The following CDH4 variants were observed in gnomAD, a reference collection of about 807,000 sequenced individuals.
CDH4 encodes cadherin 4.
A neutral mutation model predicts 86.0 loss-of-function variants in CDH4; 33 were observed. That is an observed-to-expected ratio of 0.38 (90% CI 0.29 to 0.51). The LOEUF (loss-of-function observed/expected upper bound fraction) is 0.51, where lower values mean the gene tolerates loss of function less well. Ranked by LOEUF, CDH4 falls within the 20% of genes least tolerant of loss-of-function variation. CDH4 has a pLI of 0.86. For synonymous variants in CDH4, 555 were observed against 549.4 expected (o/e 1.01, Z -0.14); for missense variants, 1,114 against 1,307.4 (o/e 0.85, Z 2.28).
At chr20:61,624,186 G>A (rs757188557) in intron 2 of CDH4, among the ~76,000 whole-genome samples, 2 of 152,172 alleles carry the variant, frequency 1.3e-5, no homozygotes, top group Non-Finnish European at 1.5e-5. Flanking sequence ...CCCCAAAGCC[G>A]TCGTGCTAGG....
chr20:61,618,122 T>C (rs1219943733), intron 2 of CDH4, among the ~76,000 whole-genome samples: 1 of 152,128 alleles, frequency 6.6e-6, no homozygotes, highest in Non-Finnish European at 1.5e-5. Context: ...GGGCAGGCCT[T>C]TATCAGCAGC....
chr20:61,345,443 C>T (rs778097758), intron 2 of CDH4, among the ~76,000 whole-genome samples: 1 of 152,222 alleles, frequency 6.6e-6, no homozygotes, highest in Non-Finnish European at 1.5e-5. Context: ...TTTCATTGAA[C>T]ATTCCGTATT....
At chr20:61,524,417 C>T (rs2085895669) in intron 2 of CDH4, among the ~76,000 whole-genome samples, 1 of 152,144 alleles carries the variant, frequency 6.6e-6, no homozygotes. Context: ...TGCATGTCGT[C>T]AGCAGAGGAA....
chr20:61,272,851 G>A (rs111963709), intron 2 of CDH4, among the ~76,000 whole-genome samples: 3,374 of 149,040 alleles, frequency 0.023, 137 homozygotes, highest in African/African-American at 0.078. Flanking sequence ...AGCACCATAC[G>A]CAGTTTGGGA....
intron 2 of CDH4, among the ~76,000 whole-genome samples, chr20:61,387,769 G>A (rs566300535): frequency 6.6e-6 from 1 of 152,130 alleles, no homozygotes; most frequent in Non-Finnish European, 1.5e-5. Flanking sequence ...TCACTCCACG[G>A]TGAAGCTTTT....
intron 2 of CDH4, among the ~76,000 whole-genome samples, chr20:61,441,328 G>C (rs1397621518): frequency 6.6e-6 from 1 of 152,252 alleles, no homozygotes; most frequent in Admixed American, 6.5e-5. Context: ...GCTTCAGAAA[G>C]GACTTAGGCA....
In CDH4 at chr20:61,703,671, G is replaced by GT. The variant is rs1472708238; in HGVS notation, c.170-39892_170-39891insT. Among the ~76,000 whole-genome samples, 1 of 152,184 alleles carries GT rather than the reference G, an allele frequency of 6.6e-6. No homozygotes were observed. Among genetic ancestry groups the GT allele is most frequent in the African/African-American group, 2.4e-5 (1 of 41,462 alleles). On this transcript the variant is annotated intron_variant, in intron 2 of 15. Transcript: ENST00000614565. This position sits in a 1 kb window ranked among gnomAD's most constrained non-coding sequence, Gnocchi z 4.3. ...TGCAGCCATCTCATTGGCCATACAAGAGCTGTCCATGTCTCATCTGGGCCC... is the reference window on the plus strand; with the variant it reads ...TGCAGCCATCTCATTGGCCATACAAGTAGCTGTCCATGTCTCATCTGGGCCC...
At chr20:61,485,142 T>C (rs1240845465) in intron 2 of CDH4, among the ~76,000 whole-genome samples, 2 of 152,204 alleles carry the variant, frequency 1.3e-5, no homozygotes, top group Non-Finnish European at 2.9e-5. Flanking sequence ...TCTTCAAAAT[T>C]GAAGTCAGCA....
intron 15 of CDH4, among the ~76,000 whole-genome samples, chr20:61,935,938 GAA>G (rs1297857931): frequency 6.6e-6 from 1 of 152,134 alleles, no homozygotes; most frequent in African/African-American, 2.4e-5. Flanking sequence ...GGTCTTAGGA[GAA>G]ATTAAAAATG....
At chr20:61,583,130 C>T (rs1056885136) in intron 2 of CDH4, among the ~76,000 whole-genome samples, 4 of 120,720 alleles carry the variant, frequency 3.3e-5, no homozygotes, top group South Asian at 2.9e-4. Flanking sequence ...GAAGGCTCTG[C>T]GGGGGGACAG....
At chr20:61,880,398 G>A (rs1020552741) in intron 7 of CDH4, among the ~76,000 whole-genome samples, 5 of 152,124 alleles carry the variant, frequency 3.3e-5, no homozygotes, top group African/African-American at 7.2e-5. Flanking sequence ...AAAAATATTA[G>A]CAATTGAGAC....
At chr20:61,699,433 C>T (rs2087750299) in intron 2 of CDH4, among the ~76,000 whole-genome samples, 1 of 152,222 alleles carries the variant, frequency 6.6e-6, no homozygotes, top group Non-Finnish European at 1.5e-5. Flanking sequence ...CCAGCTGCCC[C>T]TCTCCACAGC....
rs1244055083 is a variant in CDH4, at chr20:61,681,337, T to C, written c.170-62226T>C. Among the ~76,000 whole-genome samples the C allele has an allele frequency of 6.6e-6, 1 of 152,214 alleles. No individual in the cohort carries two copies. The highest frequency in any genetic ancestry group is 1.5e-5 in the Non-Finnish European group (1 of 68,040). Reference sequence around the variant, plus strand: ...TGTCCAAATCATACAAAATACTCTTTCTAAATTGTTAAGATTTTCTGCCAC... The same window carrying C: ...TGTCCAAATCATACAAAATACTCTTCCTAAATTGTTAAGATTTTCTGCCAC... On this transcript the variant is annotated intron_variant, in intron 2 of 15. Coordinates refer to ENST00000614565, the MANE Select transcript of CDH4 (RefSeq NM_001794.5). The surrounding 1 kb of genome is among the most constrained non-coding windows in gnomAD (Gnocchi z 4.5).
chr20:61,345,430 A>C (rs1000500264), intron 2 of CDH4, among the ~76,000 whole-genome samples: 1 of 152,242 alleles, frequency 6.6e-6, no homozygotes, highest in Non-Finnish European at 1.5e-5. Context: ...TGGGAATATA[A>C]TGTTTCATTG....
At chr20:61,541,062 G>T (rs1365870843) in intron 2 of CDH4, among the ~76,000 whole-genome samples, 1 of 152,198 alleles carries the variant, frequency 6.6e-6, no homozygotes, top group Non-Finnish European at 1.5e-5. Flanking sequence ...TAGCTTATTA[G>T]CTGCCATTTT....
intron 2 of CDH4, among the ~76,000 whole-genome samples, chr20:61,530,453 C>T (rs547847980): frequency 5.3e-5 from 8 of 152,136 alleles, no homozygotes; most frequent in Admixed American, 2.0e-4. Context: ...AGCAGAGTCA[C>T]GCTGAGTGAC....
intron 2 of CDH4, chr20:61,570,524 C>T (rs867484724): frequency 1.3e-4 from 80 of 616,438 alleles, no homozygotes; most frequent in African/African-American, 1.2e-3. Flanking sequence ...ATGAGAAGGT[C>T]GATGACAAGG....
At position 61,541,271 on chromosome 20, in the gene CDH4, C is replaced by T. The variant is rs562234843; in HGVS notation, c.170-202292C>T. On this transcript the variant is annotated intron_variant, in intron 2 of 15. Transcript: ENST00000614565. ...TGCACGTGCATTAACGTGCGGAGAA[C>T]GCCAGGAGGAAATGAGAGGAGGAGA... 1.6e-4 allele frequency among the ~76,000 whole-genome samples: 25 copies of T among 152,304 alleles called. No individual in the cohort carries two copies. The South Asian group carries it at 1.9e-3, about 11-fold the overall frequency.
At chr20:61,678,758 G>A (rs1028291518) in intron 2 of CDH4, among the ~76,000 whole-genome samples, 1 of 152,218 alleles carries the variant, frequency 6.6e-6, no homozygotes, top group Non-Finnish European at 1.5e-5. Context: ...CCAGTGGCTT[G>A]AGGAAGCCTC....
Sources: allele counts gnomAD v4.1 joint callset (sites outside exome capture counted in the v4.1 genomes callset), GRCh38; gene constraint gnomAD v4.1.1; non-coding constraint Gnocchi (gnomAD v3.1); transcripts MANE v1.5; gene names NCBI Gene and HGNC (gene_info 2026-07-23, HGNC 2026-07-21).